SPECC1: variants seen among roughly 807,000 people sequenced by gnomAD.
The protein encoded by SPECC1 is cytospin-B.
In SPECC1, 62 loss-of-function variants were observed where a neutral mutation model predicts 104.1. The ratio of observed to expected loss-of-function variants is 0.60; its 90% CI spans 0.49 to 0.74. The LOEUF (loss-of-function observed/expected upper bound fraction) is 0.74. Ranked by LOEUF, SPECC1 falls within the 30% of genes least tolerant of loss-of-function variation. The pLI is 0.00. For missense variants in SPECC1, 1,306 were observed against 1,310.5 expected (o/e 1.00, Z 0.05); for synonymous variants, 513 against 501.6 (o/e 1.02, Z -0.30).
chr17:20,127,906 C>T (rs919021451), intron 3 of SPECC1, among the ~76,000 whole-genome samples: 18 of 152,032 alleles, frequency 1.2e-4, no homozygotes, highest in African/African-American at 4.1e-4. Flanking sequence ...TGAAGCTGCT[C>T]ATGGCAGAGG....
At chr17:20,069,197 G>T (rs1013433528) in intron 1 of SPECC1, among the ~76,000 whole-genome samples, 1 of 152,262 alleles carries the variant, frequency 6.6e-6, no homozygotes, top group African/African-American at 2.4e-5. Flanking sequence ...GTGAGAACAT[G>T]CAGTATTCGG....
intron 3 of SPECC1, among the ~76,000 whole-genome samples, chr17:20,151,340 G>A (rs960332906): frequency 6.6e-6 from 1 of 152,162 alleles, no homozygotes; most frequent in Non-Finnish European, 1.5e-5. Context: ...CAATCATGGG[G>A]GTAAACCTTC....
chr17:20,219,869 G>C (rs1467875651), intron 4 of SPECC1, among the ~76,000 whole-genome samples: 1 of 152,014 alleles, frequency 6.6e-6, no homozygotes, highest in East Asian at 1.9e-4. Flanking sequence ...TATGGGGGGG[G>C]TGTCTAGTTT....
At chr17:20,148,365 G>A (rs542931910) in intron 3 of SPECC1, among the ~76,000 whole-genome samples, 2 of 151,970 alleles carry the variant, frequency 1.3e-5, no homozygotes, top group East Asian at 1.9e-4. Context: ...TCAGCCTCCC[G>A]AGTAACTGGG....
chr17:20,135,641 A>C (rs1341551938), intron 3 of SPECC1, among the ~76,000 whole-genome samples: 5 of 152,138 alleles, frequency 3.3e-5, no homozygotes, highest in Admixed American at 2.0e-4. Context: ...TTTTGTAGAC[A>C]GAGTCTTACT....
At chr17:20,215,594 T>C (rs2037436334) in intron 4 of SPECC1, among the ~76,000 whole-genome samples, 1 of 152,250 alleles carries the variant, frequency 6.6e-6, no homozygotes, top group Admixed American at 6.5e-5. Context: ...GTTTTTGGCA[T>C]GTAACTATTT....
rs1162480119 is a variant in SPECC1, at chr17:20,257,507, C to T, written c.2737C>T (p.Pro913Ser). 1 of 1,611,522 alleles carries T rather than the reference C, an allele frequency of 6.2e-7. No homozygotes were observed. Among genetic ancestry groups the T allele is most frequent in the South Asian group, 1.1e-5 (1 of 90,536 alleles). The change falls in exon 11 of 15, where the codon CCC becomes TCC. Residue 913 changes from proline (P) to serine (S), a missense_variant. Physicochemically the swap from Pro to Ser is moderately conservative, Grantham distance 74 (BLOSUM62 -1). Transcript: ENST00000395527. ...GCCAGACCCCCACCTCCGCAAGAGT[C>T]CCTCACTAGAGTCACTGAGCAGACC... ...LKPDPHLRKSPSLESLSRPPS... is the reference protein window; with the variant it reads ...LKPDPHLRKSSSLESLSRPPS...
At position 20,129,504 on chromosome 17, in the gene SPECC1, T is replaced by TA. The variant is rs200711219; in HGVS notation, c.283+18943dup. ...CGCCCAGCCAGATTTCTTTTTTTTT[T>TA]AGCTGTTGAATTTTGTGAGTTCTTT... On this transcript the variant is annotated intron_variant, in intron 3 of 14. Transcript: ENST00000395527. Among the ~76,000 whole-genome samples the TA allele has an allele frequency of 8.0e-3, 1,221 of 152,118 alleles. 8 individuals carry two copies. Among genetic ancestry groups the TA allele is most frequent in the Admixed American group, 0.014 (214 of 15,272 alleles).
chr17:20,188,256 CTT>C (rs67659304), intron 3 of SPECC1, among the ~76,000 whole-genome samples: 18 of 145,956 alleles, frequency 1.2e-4, no homozygotes, highest in South Asian at 2.2e-4. Flanking sequence ...AAAAGACATC[CTT>C]TTTTTTTTTT....
intron 7 of SPECC1, among the ~76,000 whole-genome samples, chr17:20,234,160 G>A (rs1449473262): frequency 2.0e-5 from 3 of 152,166 alleles, no homozygotes; most frequent in Non-Finnish European, 2.9e-5. Context: ...CAATCTTAAC[G>A]TCACGTTTTT....
At chr17:20,191,591 C>T (rs755510625) in intron 3 of SPECC1, among the ~76,000 whole-genome samples, 6 of 151,406 alleles carry the variant, frequency 4.0e-5, no homozygotes, top group Non-Finnish European at 8.8e-5. Flanking sequence ...GTTTGTTGCA[C>T]CCATCATCAA....
Position 20,205,593 on chromosome 17 carries a change from A to G in SPECC1, c.1544A>G (p.Glu515Gly). Residue 515 changes from glutamate (E) to glycine (G), a missense_variant, in exon 4 of 15, where the codon GAA becomes GGA. Glu to Gly is a moderately conservative substitution (Grantham distance 98). Coordinates refer to ENST00000395527, the MANE Select transcript of SPECC1 (RefSeq NM_001243439.2). Reference sequence around the variant, plus strand: ...GAAATGATTAAACGTCTGAAGGAAGAAAATGAAAAACTGAATGAGTTTCTA... The same window carrying G: ...GAAATGATTAAACGTCTGAAGGAAGGAAATGAAAAACTGAATGAGTTTCTA... The part of the protein sequence containing the change: ...ALEMIKRLKE[E>G]NEKLNEFLEL... 1 of 1,614,144 alleles carries G rather than the reference A, an allele frequency of 6.2e-7. No homozygotes were observed. Among genetic ancestry groups the G allele is most frequent in the Non-Finnish European group, 8.5e-7 (1 of 1,180,034 alleles).
intron 1 of SPECC1, among the ~76,000 whole-genome samples, chr17:20,088,701 G>A (rs1359170135): frequency 1.3e-5 from 2 of 152,200 alleles, no homozygotes; most frequent in Non-Finnish European, 2.9e-5. Context: ...AGGGGTCAGC[G>A]TGGCTCAGCC....
intron 2 of SPECC1, among the ~76,000 whole-genome samples, chr17:20,108,291 A>G (rs2048330213): frequency 6.6e-6 from 1 of 151,518 alleles, no homozygotes. Flanking sequence ...GACTTTGCCT[A>G]AATTGCAAAC....
At chr17:20,065,272 A>G (rs2046320059) in intron 1 of SPECC1, among the ~76,000 whole-genome samples, 1 of 152,152 alleles carries the variant, frequency 6.6e-6, no homozygotes, top group Non-Finnish European at 1.5e-5. Flanking sequence ...ACCTGGAGAG[A>G]GCATCAGATC....
chr17:20,167,286 G>T (rs2033737407), intron 3 of SPECC1, among the ~76,000 whole-genome samples: 1 of 151,396 alleles, frequency 6.6e-6, no homozygotes, highest in African/African-American at 2.4e-5. Context: ...AGAAAATCTT[G>T]ATGAAATTAG....
intron 5 of SPECC1, among the ~76,000 whole-genome samples, chr17:20,231,128 G>A (rs2038546709): frequency 6.6e-6 from 1 of 152,220 alleles, no homozygotes; most frequent in Non-Finnish European, 1.5e-5. Flanking sequence ...GGCTGCAGGT[G>A]TCCTTAAGTA....
intron 2 of SPECC1, among the ~76,000 whole-genome samples, chr17:20,107,462 CTTTT>C (rs201566147): frequency 7.6e-6 from 1 of 132,118 alleles, no homozygotes; most frequent in Non-Finnish European, 1.6e-5. Context: ...TTTCTTTTTT[CTTTT>C]TTTTTTTTTT....
At chr17:20,019,929 T>C (rs2044306762) in intron 1 of SPECC1, among the ~76,000 whole-genome samples, 1 of 152,186 alleles carries the variant, frequency 6.6e-6, no homozygotes. Flanking sequence ...GTGTATAATC[T>C]TCCACAAGAT....
Sources: gnomAD v4.1 joint callset for allele counts (sites outside exome capture counted in the v4.1 genomes callset) on GRCh38, gnomAD v4.1.1 for gene constraint, MANE v1.5 for transcripts, NCBI Gene and HGNC (gene_info 2026-07-23, HGNC 2026-07-21) for gene names.